ADGRV1: variants seen among roughly 807,000 people sequenced by gnomAD.
The protein encoded by ADGRV1 is adhesion G protein-coupled receptor V1, also known as G-protein coupled receptor 98.
In ADGRV1, 359 loss-of-function variants were observed where a neutral mutation model predicts 596.2. That is an observed-to-expected ratio of 0.60 (90% confidence interval 0.55 to 0.66). The LOEUF (loss-of-function observed/expected upper bound fraction) is 0.66, where lower values mean the gene tolerates loss of function less well. ADGRV1 is among the 30% of genes least tolerant of loss of function. The pLI, the probability that ADGRV1 is intolerant of heterozygous loss-of-function variation, is 0.00. For synonymous variants in ADGRV1, 2,681 were observed against 2,679.2 expected, an observed-to-expected ratio of 1.00 and a Z score of -0.02; for missense variants, 7,274 against 7,575.6, an observed-to-expected ratio of 0.96 and a Z score of 1.48.
At chr5:91,148,708 T>C (rs1795763732) in intron 87 of ADGRV1, among the ~76,000 whole-genome samples, 1 of 152,162 alleles carries the variant, frequency 6.6e-6, no homozygotes, top group Non-Finnish European at 1.5e-5. Context: ...CACCATCTTC[T>C]AGACCCCAGA....
Position 90,810,405 on chromosome 5 carries a change from G to A in ADGRV1, c.15145G>A (p.Ala5049Thr), listed in dbSNP as rs376376418. The change falls in exon 74 of 90, where the codon GCC becomes ACC. Residue 5049 changes from alanine (A) to threonine (T), a missense_variant. Physicochemically the swap from Ala to Thr is moderately conservative, Grantham distance 58. Around this residue, in one of 5 missense-constraint regions of ADGRV1, gnomAD observed 1,874 missense variants for 1,970.2 expected, o/e 0.95. Coordinates refer to ENST00000405460, the MANE Select transcript of ADGRV1 (RefSeq NM_032119.4). Reference protein sequence around the residue: ...KVSYQTTAGSAKPLEDFEPVQ... With the variant: ...KVSYQTTAGSTKPLEDFEPVQ... ...TTCTTATCAGACCACTGCAGGAAGC[G>A]CCAAGCCACTGGAAGATTTTGAGCC... 2.2e-5 allele frequency: 35 copies of A among 1,613,640 alleles called. No homozygotes were observed. The highest frequency in any genetic ancestry group is 1.0e-4 in the Admixed American group (6 of 59,946).
chr5:90,618,068 T>C (rs1763594023), intron 3 of ADGRV1, 115 bp downstream of exon 3: 3 of 691,856 alleles, frequency 4.3e-6, no homozygotes, highest in Admixed American at 6.6e-5. Flanking sequence ...AGATAACTGG[T>C]GGTGGTATTC....
At chr5:90,609,633 A>G (rs1449190480) in intron 1 of ADGRV1, among the ~76,000 whole-genome samples, 1 of 151,998 alleles carries the variant, frequency 6.6e-6, no homozygotes, top group South Asian at 2.1e-4. Context: ...GAGTAATTCT[A>G]TAGTTTTAGA....
At position 90,823,523 on chromosome 5, in the gene ADGRV1, C is replaced by T. The variant is rs200989402; in HGVS notation, c.16295C>T (p.Ser5432Phe). 3.1e-6 allele frequency: 5 copies of T among 1,613,872 alleles called. No homozygotes were observed. In the African/African-American group the frequency reaches 5.3e-5, roughly 17 times the overall value. The change falls in exon 76 of 90, where the codon TCT (serine) becomes TTT (phenylalanine). Residue 5432 changes from serine to phenylalanine, a missense_variant. This residue lies in a region of ADGRV1 where 1,874 missense variants were observed against 1,970.2 expected (regional missense o/e 0.95). Coordinates refer to ENST00000405460, the MANE Select transcript of ADGRV1 (RefSeq NM_032119.4). ...GTAAACCTGGTGGAGGAACTTCAGT[C>T]TGTGTCAGGGACCACAACCTGTACA... is the stretch of plus-strand genomic sequence containing the variant. ...DGVNLVEELQ[S>F]VSGTTTCTMG...
intron 83 of ADGRV1, among the ~76,000 whole-genome samples, chr5:90,920,244 C>T (rs1773760423): frequency 6.6e-6 from 1 of 152,080 alleles, no homozygotes; most frequent in South Asian, 2.1e-4. Context: ...CTGAAAGGGC[C>T]AGCGAGCTCT....
At chr5:90,664,143 T>C (rs1243745318) in intron 21 of ADGRV1, among the ~76,000 whole-genome samples, 1 of 149,470 alleles carries the variant, frequency 6.7e-6, no homozygotes, top group African/African-American at 2.5e-5. Flanking sequence ...TTTCCAATTC[T>C]GTGAAGAAAG....
At chr5:90,728,435 C>T (rs895193203) in intron 48 of ADGRV1, among the ~76,000 whole-genome samples, 1 of 152,142 alleles carries the variant, frequency 6.6e-6, no homozygotes, top group East Asian at 1.9e-4. Flanking sequence ...CTTTCATTCA[C>T]TCTGTGTGTG....
At chr5:90,813,992 A>T (rs1436908882) in intron 74 of ADGRV1, among the ~76,000 whole-genome samples, 2 of 152,216 alleles carry the variant, frequency 1.3e-5, no homozygotes, top group African/African-American at 4.8e-5. Context: ...CATTAGAATC[A>T]TGCTAGTTGC....
chr5:91,054,098 T>TGAGAGAGAGAGA (rs1285420454), intron 85 of ADGRV1, among the ~76,000 whole-genome samples: 8 of 124,490 alleles, frequency 6.4e-5, no homozygotes, highest in African/African-American at 2.7e-4. Flanking sequence ...TGTGTGTGTG[T>TGAGAGAGAGAGA]GTGTGAGAGA....
rs146503196 is a variant in ADGRV1, at chr5:90,823,018, G to C, written c.16197-407G>C. On this transcript the variant is annotated intron_variant, in intron 75 of 89. Transcript: ENST00000405460. ...TTGCTGAAGTTGCTTATCAGCTTAA[G>C]GAGATTCTGGGCTGAGATGATGGGG... Among the ~76,000 whole-genome samples the C allele has an allele frequency of 9.2e-5, 14 of 152,278 alleles. No homozygotes were observed. The South Asian group carries it at 2.9e-3, about 32-fold the overall frequency.
chr5:90,973,316 A>C (rs1264850309), intron 84 of ADGRV1, among the ~76,000 whole-genome samples: 2 of 152,212 alleles, frequency 1.3e-5, no homozygotes, highest in Non-Finnish European at 2.9e-5. Context: ...TATTCCAATC[A>C]ACAGAAAAAG....
In ADGRV1 at chr5:90,625,245, T is replaced by C. The variant is rs756980621; in HGVS notation, c.672+2T>C. On this transcript the variant is annotated splice_donor_variant, in intron 6 of 89. Coordinates refer to ENST00000405460, the MANE Select transcript of ADGRV1 (RefSeq NM_032119.4). LOFTEE classifies it high-confidence loss of function. ...AACTTGACAGTACTCGATGACGAGG[T>C]TGGCTAATGTTACATACCCAAATGG... The C allele has an allele frequency of 6.3e-7, 1 of 1,585,032 alleles. No individual in the cohort carries two copies. Among genetic ancestry groups the C allele is most frequent in the Non-Finnish European group, 8.7e-7 (1 of 1,154,700 alleles).
At chr5:90,748,522 A>G (rs1754881182) in intron 52 of ADGRV1, among the ~76,000 whole-genome samples, 1 of 152,190 alleles carries the variant, frequency 6.6e-6, no homozygotes, top group South Asian at 2.1e-4. Flanking sequence ...TACACTAACT[A>G]CATTTCAACT....
Position 90,716,535 on chromosome 5 carries a change from T to C in ADGRV1, c.9253T>C (p.Phe3085Leu). The C allele has an allele frequency of 6.2e-7, 1 of 1,612,862 alleles. No individual in the cohort carries two copies. The highest frequency in any genetic ancestry group is 8.5e-7 in the Non-Finnish European group (1 of 1,179,268). The change falls in exon 43 of 90, where the codon TTC becomes CTC. Residue 3085 changes from phenylalanine to leucine, a missense_variant. Transcript: ENST00000405460. ...VLSFNNSEHFFLREPTALYVQ... is the reference protein window; with the variant it reads ...VLSFNNSEHFLLREPTALYVQ... ...ATCATTTAACAACAGTGAGCACTTT[T>C]TCCTAAGAGAGCCAACAGCTCTCTA...
chr5:90,966,154 G>A (rs1208343109), intron 84 of ADGRV1, among the ~76,000 whole-genome samples: 1 of 152,158 alleles, frequency 6.6e-6, no homozygotes, highest in Non-Finnish European at 1.5e-5. Context: ...CAGAAATTAC[G>A]ATCACTGAAC....
At chr5:90,650,766 A>G (rs1339890874) in intron 17 of ADGRV1, among the ~76,000 whole-genome samples, 1 of 152,110 alleles carries the variant, frequency 6.6e-6, no homozygotes, top group Non-Finnish European at 1.5e-5. Flanking sequence ...GATCATTGTT[A>G]TGATAGATTG....
Position 90,668,472 on chromosome 5 carries a change from C to T in ADGRV1, c.4753-4074C>T, listed in dbSNP as rs551820524. Among the ~76,000 whole-genome samples the T allele has an allele frequency of 3.9e-5, 6 of 152,162 alleles. No individual in the cohort carries two copies. In the South Asian group the frequency reaches 6.2e-4, roughly 16 times the overall value. ...CAATGCCTCACCCTGCTTCGGCTCC[C>T]GCATGGTGCGCGCACCCACTGACCT... On this transcript the variant is annotated intron_variant, in intron 21 of 89. Coordinates refer to ENST00000405460, the MANE Select transcript of ADGRV1 (RefSeq NM_032119.4).
At chr5:90,792,532 AC>A (rs1760201133) in intron 70 of ADGRV1, 1 of 152,170 alleles carries the variant, frequency 6.6e-6, no homozygotes, top group Non-Finnish European at 1.5e-5. Context: ...GTTAATGTCC[AC>A]AGGTTCTTGG....
At chr5:90,751,791 G>T (rs572900184) in intron 53 of ADGRV1, among the ~76,000 whole-genome samples, 27 of 152,258 alleles carry the variant, frequency 1.8e-4, no homozygotes, top group African/African-American at 6.0e-4. Flanking sequence ...TTTCAAACGT[G>T]ATTGGAGCTT....
Sources: gnomAD v4.1 joint callset for allele counts (sites outside exome capture counted in the v4.1 genomes callset) on GRCh38, gnomAD v4.1.1 for gene constraint, gnomAD v4.1.1 regional missense constraint, MANE v1.5 for transcripts, NCBI Gene and HGNC (gene_info 2026-07-23, HGNC 2026-07-21) for gene names.